Variants in TENM2 observed in about 807,000 individuals in gnomAD.
The protein encoded by TENM2 is teneurin transmembrane protein 2.
In TENM2, 52 loss-of-function variants were observed where a neutral mutation model predicts 245.2. The ratio of observed to expected loss-of-function variants is 0.21; its 90% confidence interval spans 0.17 to 0.27. The LOEUF (loss-of-function observed/expected upper bound fraction) is 0.27, where lower values mean the gene tolerates loss of function less well. TENM2 is among the 10% of genes least tolerant of loss of function. The probability of loss-of-function intolerance (pLI) is 1.00; values close to 1 mark genes in which losing one functional copy is unlikely to be tolerated. For missense variants in TENM2, 3,046 were observed against 3,666.8 expected (o/e 0.83, Z 4.37); for synonymous variants, 1,363 against 1,438.9 (o/e 0.95, Z 1.19).
intron 2 of TENM2, among the ~76,000 whole-genome samples, chr5:167,732,500 A>G (rs1244862077): frequency 6.6e-6 from 1 of 152,172 alleles, no homozygotes; most frequent in Non-Finnish European, 1.5e-5. Flanking sequence ...TTAAAAGATG[A>G]TAAGTATGTT....
intron 3 of TENM2, chr5:167,952,289 A>G (rs191902198): frequency 1.6e-5 from 8 of 498,246 alleles, no homozygotes; most frequent in Admixed American, 1.4e-4. Flanking sequence ...TGTTACTTTC[A>G]TTGCAGTATT....
At chr5:167,676,799 TA>T (rs1377793543) in intron 2 of TENM2, among the ~76,000 whole-genome samples, 2 of 152,158 alleles carry the variant, frequency 1.3e-5, no homozygotes, top group African/African-American at 4.8e-5. Context: ...TTCCTAGAAT[TA>T]AACACACATT....
At chr5:168,187,526 G>A (rs1760578809) in intron 13 of TENM2, 1 of 152,152 alleles carries the variant, frequency 6.6e-6, no homozygotes, top group Non-Finnish European at 1.5e-5. Flanking sequence ...TAACAGCAGT[G>A]GGTTTCTTCT....
chr5:167,124,894 G>T, the TENM2 span, among the ~76,000 whole-genome samples: 2 of 152,098 alleles, frequency 1.3e-5, no homozygotes, highest in African/African-American at 2.4e-5. Flanking sequence ...CAGCAGCAAC[G>T]TTCTACAGAG....
chr5:168,116,430 A>C (rs12187313), intron 9 of TENM2, among the ~76,000 whole-genome samples: 43,743 of 152,020 alleles, frequency 0.29, 6,906 homozygotes, highest in East Asian at 0.62. Flanking sequence ...ATCAGTTTGC[A>C]ATTAAGGTAA....
the TENM2 span, among the ~76,000 whole-genome samples, chr5:167,066,094 G>T: frequency 2.0e-5 from 3 of 152,150 alleles, no homozygotes; most frequent in African/African-American, 4.8e-5. Flanking sequence ...GTGCGGGAAA[G>T]AATTCATTTG....
intron 27 of TENM2, among the ~76,000 whole-genome samples, chr5:168,255,789 T>A (rs936575096): frequency 1.3e-5 from 2 of 152,066 alleles, no homozygotes; most frequent in African/African-American, 4.8e-5. Flanking sequence ...TGACATAAAA[T>A]TTATTTTTTA....
At chr5:166,984,529 A>T in the TENM2 span, among the ~76,000 whole-genome samples, 34 of 152,280 alleles carry the variant, frequency 2.2e-4, no homozygotes, top group African/African-American at 7.7e-4. Flanking sequence ...GAGGTTAAAA[A>T]ATCTCATAAT....
chr5:168,040,586 G>T (rs1176797080), intron 5 of TENM2, among the ~76,000 whole-genome samples: 1 of 152,196 alleles, frequency 6.6e-6, no homozygotes, highest in Non-Finnish European at 1.5e-5. Flanking sequence ...CTTCACCAAG[G>T]TGGTTAGAAA....
chr5:167,759,112 A>G (rs1762495410), intron 2 of TENM2, among the ~76,000 whole-genome samples: 2 of 149,170 alleles, frequency 1.3e-5, no homozygotes, highest in South Asian at 4.4e-4. Context: ...AGATTACTTA[A>G]CTAGCAAGTT....
At chr5:167,074,494 A>T in the TENM2 span, among the ~76,000 whole-genome samples, 286 of 152,306 alleles carry the variant, frequency 1.9e-3, no homozygotes, top group African/African-American at 6.4e-3. Context: ...GAAGGTGCAG[A>T]TTATATAATT....
chr5:168,024,478 G>A (rs932447159), intron 5 of TENM2, among the ~76,000 whole-genome samples: 7 of 152,160 alleles, frequency 4.6e-5, no homozygotes, highest in African/African-American at 1.7e-4. Context: ...GGGGAGTTTC[G>A]AAGCAGCAGG....
chr5:167,016,005 A>G, the TENM2 span, among the ~76,000 whole-genome samples: 2 of 152,236 alleles, frequency 1.3e-5, no homozygotes, highest in South Asian at 2.1e-4. Context: ...CTGTAATCCC[A>G]GCACTTTGGG....
intron 2 of TENM2, among the ~76,000 whole-genome samples, chr5:167,576,491 T>C (rs1203981356): frequency 6.6e-6 from 1 of 152,240 alleles, no homozygotes; most frequent in African/African-American, 2.4e-5. Context: ...TAGAAAGCTA[T>C]TAAAACTTGA....
rs750698602 is a variant in TENM2 at position 168,190,290 on chromosome 5, T to A, written c.2570-47T>A. On this transcript the variant is annotated intron_variant, in intron 13 of 28. Coordinates refer to ENST00000518659, the Ensembl canonical transcript of TENM2. ...AAGGTGTTAGTGTCTCCAAACAGCT[T>A]TATGCCATGAAATCTGCTGACTCTG... is the stretch of plus-strand genomic sequence containing the variant. The A allele has an allele frequency of 2.0e-6, 3 of 1,500,730 alleles. No individual in the cohort carries two copies. In the East Asian group the frequency reaches 6.8e-5, roughly 34 times the overall value. The allele number at this position is 1,500,730 out of a possible 1,614,324, so 93.0% of individuals were successfully genotyped here.
chr5:167,934,349 A>C (rs1392473896), intron 3 of TENM2, among the ~76,000 whole-genome samples: 1 of 152,214 alleles, frequency 6.6e-6, no homozygotes, highest in Non-Finnish European at 1.5e-5. Context: ...TCAGAAAATA[A>C]GACATCCCTC....
chr5:167,397,417 GA>G (rs1329126211), intron 2 of TENM2, among the ~76,000 whole-genome samples: 18 of 152,072 alleles, frequency 1.2e-4, no homozygotes, highest in Admixed American at 1.2e-3. Context: ...ATTAACTAAT[GA>G]AAGAAAATGA....
At chr5:168,043,443 C>T (rs1322458835) in intron 5 of TENM2, among the ~76,000 whole-genome samples, 1 of 152,140 alleles carries the variant, frequency 6.6e-6, no homozygotes, top group Non-Finnish European at 1.5e-5. Flanking sequence ...ATGATGATAT[C>T]ACATTTACAG....
intron 1 of TENM2, among the ~76,000 whole-genome samples, chr5:167,351,153 TTA>T (rs975210670): frequency 7.6e-5 from 9 of 118,834 alleles, no homozygotes; most frequent in East Asian, 3.5e-4. Flanking sequence ...TACATATGGA[TTA>T]TATATATATG....
Sources: gnomAD v4.1 joint callset for allele counts (sites outside exome capture counted in the v4.1 genomes callset) on GRCh38, gnomAD v4.1.1 for gene constraint, MANE v1.5 for transcripts, NCBI Gene and HGNC (gene_info 2026-07-23, HGNC 2026-07-21) for gene names.